Variants in GLYATL1 observed in about 807,000 individuals in gnomAD.
GLYATL1 encodes the protein glycine-N-acyltransferase like 1.
A neutral mutation model predicts 20.0 loss-of-function variants in GLYATL1; 15 were observed. The observed-to-expected ratio is 0.75, with a 90% CI of 0.50 to 1.15. The LOEUF (loss-of-function observed/expected upper bound fraction) is 1.15. Among genes scored for constraint, GLYATL1 ranks in the 50% most tolerant of loss-of-function variants. GLYATL1 has a pLI of 0.00. For synonymous variants in GLYATL1, 151 were observed against 131.5 expected (o/e 1.15, Z -1.01); for missense variants, 380 against 368.5 (o/e 1.03, Z -0.26).
intron 4 of GLYATL1, among the ~76,000 whole-genome samples, chr11:58,950,871 GTT>G (rs1404119518): frequency 6.6e-6 from 1 of 151,724 alleles, no homozygotes; most frequent in Non-Finnish European, 1.5e-5. Context: ...CTTTTGACCT[GTT>G]TATATTCTTT....
chr11:58,926,064 TACAC>T (rs1375366998), upstream of GLYATL1, among the ~76,000 whole-genome samples: 1 of 152,198 alleles, frequency 6.6e-6, no homozygotes, highest in Non-Finnish European at 1.5e-5. Flanking sequence ...TATCAATGGA[TACAC>T]ACACATATCT....
intron 1 of GLYATL1, among the ~76,000 whole-genome samples, chr11:58,933,263 T>C (rs1381791024): frequency 6.6e-6 from 1 of 152,158 alleles, no homozygotes; most frequent in African/African-American, 2.4e-5. Context: ...GCTGCGGAGA[T>C]AGATTTGAGC....
chr11:58,930,076 A>G (rs942520001), intron 1 of GLYATL1, among the ~76,000 whole-genome samples: 1 of 151,988 alleles, frequency 6.6e-6, no homozygotes, highest in Non-Finnish European at 1.5e-5. Flanking sequence ...TGGTGGCCAG[A>G]GTAGAAGCTC....
downstream of GLYATL1, among the ~76,000 whole-genome samples, chr11:58,911,470 T>C (rs1007905844): frequency 6.6e-6 from 1 of 152,246 alleles, no homozygotes; most frequent in African/African-American, 2.4e-5. Flanking sequence ...TTCCAGTTGT[T>C]TCATATACTT....
intron 1 of GLYATL1, among the ~76,000 whole-genome samples, chr11:58,931,676 T>G (rs532865767): frequency 2.0e-5 from 3 of 152,204 alleles, no homozygotes; most frequent in African/African-American, 7.2e-5. Flanking sequence ...ATAAAAAGAT[T>G]AATAAACTTG....
upstream of GLYATL1, among the ~76,000 whole-genome samples, chr11:58,938,894 G>A (rs982575007): frequency 6.6e-6 from 1 of 152,182 alleles, no homozygotes; most frequent in African/African-American, 2.4e-5. Context: ...CAGCCCTACA[G>A]ATAGGTGAGG....
At chr11:58,942,892 A>T (rs1856268598) in intron 1 of GLYATL1, among the ~76,000 whole-genome samples, 1 of 152,170 alleles carries the variant, frequency 6.6e-6, no homozygotes, top group Admixed American at 6.5e-5. Context: ...AAGAAAAAAC[A>T]AGAGAGTGTG....
intron 1 of GLYATL1, chr11:58,934,217 CG>C: frequency 6.5e-6 from 1 of 153,368 alleles, no homozygotes; most frequent in Non-Finnish European, 1.4e-5. Flanking sequence ...TCTTGGTAGA[CG>C]GGGGCAGACC....
chr11:58,937,787 C>A (rs538301788), upstream of GLYATL1, among the ~76,000 whole-genome samples: 2 of 152,196 alleles, frequency 1.3e-5, no homozygotes, highest in Non-Finnish European at 1.5e-5. Flanking sequence ...TGTCTTCCAA[C>A]GATGGCTGCT....
At chr11:58,915,714 G>A (rs1418323859) in intron 1 of GLYATL1, among the ~76,000 whole-genome samples, 3 of 152,220 alleles carry the variant, frequency 2.0e-5, no homozygotes, top group Non-Finnish European at 1.5e-5. Context: ...GGGACTGCCA[G>A]GCAGGTGGAA....
chr11:58,943,416 G>T lies in GLYATL1; in HGVS notation c.-166-127G>T. 2.0e-6 allele frequency: 3 copies of T among 1,526,502 alleles called. No homozygotes were observed. The South Asian group carries it at 3.8e-5, about 19-fold the overall frequency. 94.6% of individuals were successfully genotyped at this position (1,526,502 alleles called of 1,614,324 possible). ...CCTTTTTTGTCTATAAATTCATTTT[G>T]ACCACGAGGCACCCCCGGAGCCTCG... is the stretch of plus-strand genomic sequence containing the variant. On this transcript the variant is annotated intron_variant, in intron 1 of 6. Transcript: ENST00000532726.
At chr11:58,925,081 G>A (rs147781802), upstream of GLYATL1, among the ~76,000 whole-genome samples, 15 of 152,096 alleles carry the variant, frequency 9.9e-5, no homozygotes, top group African/African-American at 3.6e-4. Context: ...GCTGGCTTGA[G>A]TTTTTTTTCT....
intron 1 of GLYATL1, among the ~76,000 whole-genome samples, chr11:58,922,311 G>C (rs1326639712): frequency 1.3e-5 from 2 of 152,162 alleles, no homozygotes; most frequent in Non-Finnish European, 2.9e-5. Flanking sequence ...ACATCTATAA[G>C]GGCCTAGGGC....
chr11:58,923,380 C>A (rs1855352821), upstream of GLYATL1, among the ~76,000 whole-genome samples: 1 of 152,132 alleles, frequency 6.6e-6, no homozygotes, highest in South Asian at 2.1e-4. Flanking sequence ...GGTTTAAACG[C>A]CCTCTAGAGG....
At chr11:58,936,544 C>G (rs922379049), upstream of GLYATL1, among the ~76,000 whole-genome samples, 1 of 152,186 alleles carries the variant, frequency 6.6e-6, no homozygotes, top group African/African-American at 2.4e-5. Context: ...TCTTTCTTAA[C>G]CACAGTTTTG....
At chr11:58,954,370 G>A (rs1857225220) in intron 4 of GLYATL1, among the ~76,000 whole-genome samples, 1 of 152,200 alleles carries the variant, frequency 6.6e-6, no homozygotes, top group Admixed American at 6.5e-5. Flanking sequence ...AAGAGAAGCA[G>A]GGAGAGAAGC....
At chr11:58,947,486 T>TGA (rs1303772575) in intron 3 of GLYATL1, 1 of 465,922 alleles carries the variant, frequency 2.1e-6, no homozygotes, top group Non-Finnish European at 3.8e-6. Context: ...GATGTTTCTT[T>TGA]CCCTTTCTCT....
chr11:58,940,875 G>A (rs1308830272), intron 1 of GLYATL1, among the ~76,000 whole-genome samples: 3 of 152,092 alleles, frequency 2.0e-5, no homozygotes, highest in Admixed American at 2.0e-4. Context: ...ACTGAGATTG[G>A]AGGATTGCTT....
chr11:58,952,717 C>T (rs1198134768), intron 4 of GLYATL1, among the ~76,000 whole-genome samples: 1 of 152,176 alleles, frequency 6.6e-6, no homozygotes, highest in African/African-American at 2.4e-5. Context: ...TTTTACTCCA[C>T]CCTCTGGTAG....
Sources: allele counts gnomAD v4.1 joint callset (sites outside exome capture counted in the v4.1 genomes callset), GRCh38; gene constraint gnomAD v4.1.1; transcripts MANE v1.5; gene names NCBI Gene and HGNC (gene_info 2026-07-23, HGNC 2026-07-21).